The following CFAP52 variants were observed in gnomAD, a reference collection of about 807,000 sequenced individuals.
CFAP52 encodes cilia and flagella associated protein 52, also known as cilia- and flagella-associated protein 52.
A neutral mutation model predicts 70.5 loss-of-function variants in CFAP52; 57 were observed. That is an observed-to-expected ratio of 0.81 (90% CI 0.65 to 1.01). CFAP52 has a LOEUF of 1.01. Ranked by LOEUF, CFAP52 falls within the 50% of genes least tolerant of loss-of-function variation. The pLI, the probability that CFAP52 is intolerant of heterozygous loss-of-function variation, is 0.00. For synonymous variants in CFAP52, 267 were observed against 292.5 expected, an observed-to-expected ratio of 0.91 and a Z score of 0.89; for missense variants, 785 against 788.5, an observed-to-expected ratio of 1.00 and a Z score of 0.05.
intron 7 of CFAP52, among the ~76,000 whole-genome samples, chr17:9,608,478 AT>A (rs1909593360): frequency 6.6e-6 from 1 of 152,220 alleles, no homozygotes; most frequent in South Asian, 2.1e-4. Context: ...ATAAGTTTGT[AT>A]TTAGCTAACA....
At chr17:9,583,388 A>G (rs1053204072) in intron 1 of CFAP52, among the ~76,000 whole-genome samples, 1 of 152,180 alleles carries the variant, frequency 6.6e-6, no homozygotes, top group Admixed American at 6.5e-5. Flanking sequence ...GGAGTTAAAT[A>G]TAAAAGAAGC....
At chr17:9,631,018 GAAAGAAAGAA>G (rs1166769370) in intron 9 of CFAP52, among the ~76,000 whole-genome samples, 5 of 63,534 alleles carry the variant, frequency 7.9e-5, no homozygotes, top group South Asian at 7.0e-4. Flanking sequence ...AAGAAAGAAA[GAAAGAAAGAA>G]AGAGAGAGAG....
chr17:9,635,947 C>T (rs979582704), intron 11 of CFAP52, among the ~76,000 whole-genome samples: 1 of 151,740 alleles, frequency 6.6e-6, no homozygotes, highest in South Asian at 2.1e-4. Context: ...CTGAGGTGGG[C>T]AGATCACCTG....
chr17:9,588,668 C>T (rs970502574), intron 3 of CFAP52, among the ~76,000 whole-genome samples: 1 of 152,128 alleles, frequency 6.6e-6, no homozygotes, highest in Non-Finnish European at 1.5e-5. Context: ...TCAATTTCAC[C>T]CCATTCAGTG....
intron 4 of CFAP52, among the ~76,000 whole-genome samples, chr17:9,597,336 T>C (rs1464057253): frequency 2.0e-5 from 3 of 152,160 alleles, no homozygotes; most frequent in Non-Finnish European, 4.4e-5. Context: ...TCGTAATATA[T>C]TGTATACTTG....
intron 8 of CFAP52, among the ~76,000 whole-genome samples, chr17:9,625,624 C>T (rs76627895): frequency 1.4e-3 from 215 of 151,718 alleles, no homozygotes; most frequent in Non-Finnish European, 2.5e-3. Flanking sequence ...TTTTCTACAG[C>T]CACCATAGCT....
intron 8 of CFAP52, among the ~76,000 whole-genome samples, chr17:9,615,806 T>TC (rs1268725799): frequency 2.1e-5 from 2 of 94,172 alleles, no homozygotes; most frequent in Non-Finnish European, 5.9e-5. Flanking sequence ...TTTTTTTTTT[T>TC]TTTTTTTTTT....
chr17:9,628,959 A>C, intron 9 of CFAP52, 139 bp downstream of exon 9: 1 of 1,306,466 alleles, frequency 7.7e-7, no homozygotes, highest in Non-Finnish European at 1.0e-6. Context: ...CTTCTAATCT[A>C]GCCTCTCTTT....
At chr17:9,627,541 G>T (rs1245239373) in intron 8 of CFAP52, among the ~76,000 whole-genome samples, 1 of 151,960 alleles carries the variant, frequency 6.6e-6, no homozygotes, top group Non-Finnish European at 1.5e-5. Context: ...AATAAATATT[G>T]TCTACTTCAC....
intron 4 of CFAP52, among the ~76,000 whole-genome samples, chr17:9,595,819 C>T (rs1010380692): frequency 4.6e-5 from 7 of 151,096 alleles, no homozygotes; most frequent in African/African-American, 1.7e-4. Context: ...ATATTGTCCC[C>T]ATGAGATGTC....
At chr17:9,624,357 A>G (rs1258012647) in intron 8 of CFAP52, among the ~76,000 whole-genome samples, 3 of 151,944 alleles carry the variant, frequency 2.0e-5, no homozygotes, top group Non-Finnish European at 4.4e-5. Flanking sequence ...ATTTTTCTTC[A>G]ATTTTTAAAA....
At chr17:9,627,440 G>GGTGGAGT (rs1412900419) in intron 8 of CFAP52, among the ~76,000 whole-genome samples, 4 of 152,240 alleles carry the variant, frequency 2.6e-5, no homozygotes, top group Admixed American at 2.0e-4. Flanking sequence ...GAACACAGGA[G>GGTGGAGT]GTGGAGTAAG....
At chr17:9,604,689 A>G (rs1323918912) in intron 6 of CFAP52, among the ~76,000 whole-genome samples, 4 of 151,766 alleles carry the variant, frequency 2.6e-5, no homozygotes, top group African/African-American at 9.7e-5. Context: ...AATCACTTGA[A>G]CCCGGCAGTG....
At chr17:9,641,879 C>G (rs368322610) in intron 13 of CFAP52, 44 bp downstream of exon 13, 1 of 1,548,550 alleles carries the variant, frequency 6.5e-7, no homozygotes. Context: ...CTTATTTAGA[C>G]GAGGACATGG....
intron 4 of CFAP52, 69 bp downstream of exon 4, chr17:9,594,390 C>A: frequency 1.3e-6 from 2 of 1,553,652 alleles, no homozygotes; most frequent in South Asian, 1.2e-5. Flanking sequence ...AAAACATGGT[C>A]ATTCTGATCT....
intron 1 of CFAP52, among the ~76,000 whole-genome samples, chr17:9,577,986 A>G (rs1944626424): frequency 6.6e-6 from 1 of 152,108 alleles, no homozygotes; most frequent in Admixed American, 6.5e-5. Context: ...CAGCTACTTG[A>G]GAGGCTGAGG....
At chr17:9,624,926 T>C (rs1910182252) in intron 8 of CFAP52, among the ~76,000 whole-genome samples, 2 of 152,176 alleles carry the variant, frequency 1.3e-5, no homozygotes, top group South Asian at 2.1e-4. Flanking sequence ...GCTTGCATTA[T>C]GTAGCAGTCA....
intron 1 of CFAP52, among the ~76,000 whole-genome samples, chr17:9,580,617 A>T (rs1259268888): frequency 1.3e-5 from 2 of 151,184 alleles, no homozygotes; most frequent in African/African-American, 4.9e-5. Context: ...TGAGCCCGGG[A>T]GGTAGAGGCT....
chr17:9,640,488 A>G (rs1597799183), intron 12 of CFAP52, among the ~76,000 whole-genome samples: 2 of 151,054 alleles, frequency 1.3e-5, no homozygotes, highest in East Asian at 3.9e-4. Context: ...AAGTGAGAAC[A>G]TGTGGTGTTT....
Sources: allele counts gnomAD v4.1 joint callset (sites outside exome capture counted in the v4.1 genomes callset), GRCh38; gene constraint gnomAD v4.1.1; transcripts MANE v1.5; gene names NCBI Gene and HGNC (gene_info 2026-07-23, HGNC 2026-07-21).